Variants in CCDC154 observed in about 807,000 individuals in gnomAD.
CCDC154 encodes coiled-coil domain-containing protein 154.
Under a neutral mutation model 87.5 loss-of-function variants are expected in CCDC154, and 91 were observed. That is an observed-to-expected ratio of 1.04 (90% CI 0.88 to 1.24). The LOEUF (loss-of-function observed/expected upper bound fraction) is 1.24. Ranked by LOEUF, CCDC154 falls within the 50% of genes most tolerant of loss-of-function variation. The pLI, the probability that CCDC154 is intolerant of heterozygous loss-of-function variation, is 0.00. For missense variants in CCDC154, 903 were observed against 879.2 expected (o/e 1.03, Z -0.34); for synonymous variants, 418 against 400.4 (o/e 1.04, Z -0.52).
At position 1,434,396 on chromosome 16, in the gene CCDC154, A is replaced by G. The variant is rs568512686; in HGVS notation, c.*12T>C. 1 of 1,549,950 alleles carries G rather than the reference A, an allele frequency of 6.5e-7. No homozygotes were observed. The highest frequency in any genetic ancestry group is 1.4e-5 in the African/African-American group (1 of 73,144). On this transcript the variant is annotated 3_prime_UTR_variant, in exon 17 of 17. Coordinates refer to ENST00000389176, the MANE Select transcript of CCDC154 (RefSeq NM_001143980.3). ...GGGAACCTCAGCTCTAATGAGTACA[A>G]AGCCAGCACGTTTATTTCTGGATAA... is the stretch of plus-strand genomic sequence containing the variant.
chr16:1,439,002 G>A (rs1410250697), intron 7 of CCDC154, 23 bp downstream of exon 7: 3 of 1,549,822 alleles, frequency 1.9e-6, no homozygotes, highest in Admixed American at 3.9e-5. Context: ...GGCAGGGCAG[G>A]CCAGCCGCGG....
intron 11 of CCDC154, chr16:1,437,109 C>T (rs2038508979): frequency 4.7e-6 from 2 of 430,076 alleles, no homozygotes; most frequent in Non-Finnish European, 8.5e-6. Context: ...CAGGGTGTCG[C>T]CCACGTTTGC....
chr16:1,435,147 T>C lies in CCDC154; in HGVS notation c.1634A>G (p.Asn545Ser), dbSNP rs949891724. 3 of 1,550,340 alleles carry C rather than the reference T, an allele frequency of 1.9e-6. No individual in the cohort carries two copies. In the African/African-American group the frequency reaches 4.1e-5, roughly 21 times the overall value. Residue 545 changes from asparagine to serine, a missense_variant, in exon 15 of 17, where the codon AAC (asparagine) becomes AGC (serine). Physicochemically the swap from Asn to Ser is conservative, Grantham distance 46. Coordinates refer to ENST00000389176, the MANE Select transcript of CCDC154 (RefSeq NM_001143980.3). ...TFQNQIMKLENCVQANKTIQN... is the reference protein window; with the variant it reads ...TFQNQIMKLESCVQANKTIQN... ...GATGGTCTTGTTGGCCTGGACGCAG[T>C]TTTCCAGCTTCATTATTTGGTTCTG...
rs188736334 is a variant in CCDC154 at position 1,435,686 on chromosome 16, T to C, written c.1605+283A>G. On this transcript the variant is annotated intron_variant, in intron 14 of 16. Coordinates refer to ENST00000389176, the MANE Select transcript of CCDC154 (RefSeq NM_001143980.3). Reference sequence around the variant, plus strand: ...GACTACAGGCATGCGCCACCATGCCTGGCTAATTTTTGTATTTTTAGTAGA... The same window carrying C: ...GACTACAGGCATGCGCCACCATGCCCGGCTAATTTTTGTATTTTTAGTAGA... 2.6e-5 allele frequency among the ~76,000 whole-genome samples: 4 copies of C among 152,216 alleles called. No homozygotes were observed. In the East Asian group the frequency reaches 7.7e-4, roughly 29 times the overall value.
At chr16:1,439,557 G>T (rs966715445) in intron 6 of CCDC154, among the ~76,000 whole-genome samples, 1 of 151,372 alleles carries the variant, frequency 6.6e-6, no homozygotes, top group African/African-American at 2.4e-5. Context: ...GGGGAGGGGA[G>T]GGGGGAGGCG....
chr16:1,435,528 T>C (rs1596202358), intron 14 of CCDC154, among the ~76,000 whole-genome samples: 1 of 152,080 alleles, frequency 6.6e-6, no homozygotes, highest in Non-Finnish European at 1.5e-5. Context: ...GTTTTTGTTT[T>C]GTTTTGTTTT....
chr16:1,438,847 C>T lies in CCDC154; in HGVS notation c.874G>A (p.Glu292Lys). 6.5e-7 allele frequency: 1 copy of T among 1,548,246 alleles called. No homozygotes were observed. Among genetic ancestry groups the T allele is most frequent in the Non-Finnish European group, 8.7e-7 (1 of 1,146,450 alleles). The change falls in exon 8 of 17, where the codon GAG becomes AAG. Residue 292 changes from glutamate to lysine, a missense_variant. Transcript: ENST00000389176. The part of the protein sequence containing the change: ...RWEKLRGLME[E>K]RLRALQGQHE... ...TGCCCCTGCAGGGCCCGCAGGCGCT[C>T]CTCCATCAGCCCCCGAAGCTTCTCC... is the stretch of plus-strand genomic sequence containing the variant.
intron 3 of CCDC154, 44 bp from the exon 4 acceptor site, chr16:1,443,345 G>A: frequency 6.5e-7 from 1 of 1,532,302 alleles, no homozygotes; most frequent in Non-Finnish European, 8.8e-7. Flanking sequence ...CTAGGCCCGG[G>A]TCTGGCACCT....
chr16:1,443,358 C>T (rs2038574604), intron 3 of CCDC154, 57 bp from the exon 4 acceptor site: 2 of 1,519,706 alleles, frequency 1.3e-6, no homozygotes, highest in East Asian at 2.5e-5. Flanking sequence ...TGGCACCTGC[C>T]CCTGGAGTCC....
chr16:1,434,937 C>T (rs1220392768), intron 15 of CCDC154, 85 bp from the exon 16 acceptor site: 1 of 1,430,978 alleles, frequency 7.0e-7, no homozygotes, highest in Non-Finnish European at 9.2e-7. Flanking sequence ...CCACCGGGAG[C>T]CTGGAAGCCA....
chr16:1,441,226 C>G (rs78419307), intron 6 of CCDC154, among the ~76,000 whole-genome samples: 6 of 152,362 alleles, frequency 3.9e-5, no homozygotes, highest in South Asian at 2.1e-4. Context: ...GCAGCTCCCC[C>G]ACACCTGGCA....
intron 1 of CCDC154, 136 bp downstream of exon 1, chr16:1,444,180 C>T: frequency 9.3e-7 from 1 of 1,073,368 alleles, no homozygotes; most frequent in African/African-American, 1.6e-5. Context: ...AAGTCCAGGG[C>T]CCTGCCTGAA....
At chr16:1,435,767 C>G (rs2038496370) in intron 14 of CCDC154, among the ~76,000 whole-genome samples, 1 of 152,156 alleles carries the variant, frequency 6.6e-6, no homozygotes, top group Non-Finnish European at 1.5e-5. Context: ...CTCAGGTGAT[C>G]CACCCGCCTC....
intron 6 of CCDC154, among the ~76,000 whole-genome samples, chr16:1,440,060 T>A (rs1305217419): frequency 2.7e-5 from 4 of 147,448 alleles, no homozygotes; most frequent in Non-Finnish European, 5.9e-5. Context: ...GGCAGGAGAA[T>A]CGCTTGAACC....
In CCDC154 at chr16:1,435,119, C is replaced by T; in HGVS notation, c.1662G>A (p.Gln554=). The part of the protein sequence containing the change: ...ENCVQANKTI[Q]NLRFNTEARL... ...GGGCCTCAGTGTTGAACCTGAGGTT[C>T]TGGATGGTCTTGTTGGCCTGGACGC... Residue 554 remains glutamine, a synonymous_variant, in exon 15 of 17, where the codon CAG becomes CAA. Coordinates refer to ENST00000389176, the MANE Select transcript of CCDC154 (RefSeq NM_001143980.3). 6.5e-7 allele frequency: 1 copy of T among 1,550,230 alleles called. No homozygotes were observed. Among genetic ancestry groups the T allele is most frequent in the Non-Finnish European group, 8.7e-7 (1 of 1,146,870 alleles).
At chr16:1,435,234 C>T (rs1487870164) in intron 14 of CCDC154, 59 bp from the exon 15 acceptor site, 1 of 1,428,132 alleles carries the variant, frequency 7.0e-7, no homozygotes, top group African/African-American at 1.4e-5. Flanking sequence ...CCTGCTGTCC[C>T]CACAGGCACC....
rs1030527485 is a variant in CCDC154 at position 1,438,894 on chromosome 16, C to T, written c.827G>A (p.Arg276Gln). 25 of 1,549,484 alleles carry T rather than the reference C, an allele frequency of 1.6e-5. No homozygotes were observed. The highest frequency in any genetic ancestry group is 2.4e-5 in the East Asian group (1 of 40,920). The change falls in exon 8 of 17, where the codon CGG becomes CAG. Residue 276 changes from arginine to glutamine, a missense_variant. Transcript: ENST00000389176. ...CTCCCACCGGCTCTCCAGCTCGCCC[C>T]GCAGGCTGCCCTCCAGCTTCAGCCG... ...SSRLKLEGSL[R>Q]GELESRWEKL... is the part of the protein sequence containing the mutation.
intron 12 of CCDC154, 77 bp downstream of exon 12, chr16:1,436,615 G>C (rs757251838): frequency 5.1e-5 from 79 of 1,546,130 alleles, no homozygotes; most frequent in Non-Finnish European, 6.5e-5. Context: ...GGAGGGGAGA[G>C]GACAAGGTGC....
chr16:1,434,691 G>A lies in CCDC154; in HGVS notation c.1854C>T (p.Cys618=). The A allele has an allele frequency of 1.3e-6, 2 of 1,546,782 alleles. No homozygotes were observed. Among genetic ancestry groups the A allele is most frequent in the Non-Finnish European group, 8.7e-7 (1 of 1,146,764 alleles). The part of the protein sequence containing the change: ...MAPGKVVPMN[C]WGVYQAVRWL... ...ACCTCACAGCCTGGTACACGCCCCA[G>A]CAGTTCATGGGCACCACCTTGCCAG... Residue 618 remains cysteine (C), a synonymous_variant, in exon 16 of 17, where the codon TGC becomes TGT. Coordinates refer to ENST00000389176, the MANE Select transcript of CCDC154 (RefSeq NM_001143980.3).
Sources: allele counts gnomAD v4.1 joint callset (sites outside exome capture counted in the v4.1 genomes callset), GRCh38; gene constraint gnomAD v4.1.1; transcripts MANE v1.5; gene names NCBI Gene and HGNC (gene_info 2026-07-23, HGNC 2026-07-21).